Variants in PPARGC1A observed in about 807,000 individuals in gnomAD.
The protein encoded by PPARGC1A is peroxisome proliferator-activated receptor gamma coactivator 1-alpha.
Under a neutral mutation model 88.7 loss-of-function variants are expected in PPARGC1A, and 25 were observed. That is an observed-to-expected ratio of 0.28 (90% CI 0.21 to 0.39). The LOEUF is 0.39. Ranked by LOEUF, PPARGC1A falls within the 10% of genes least tolerant of loss-of-function variation. PPARGC1A has a pLI of 1.00. For synonymous variants in PPARGC1A, 363 were observed against 355.6 expected, an observed-to-expected ratio of 1.02 and a Z score of -0.24; for missense variants, 880 against 968.7, an observed-to-expected ratio of 0.91 and a Z score of 1.22.
At chr4:24,256,978 A>C in the PPARGC1A span, among the ~76,000 whole-genome samples, 1 of 152,306 alleles carries the variant, frequency 6.6e-6, no homozygotes, top group Non-Finnish European at 1.5e-5. Context: ...AAAGAACTGA[A>C]GGTGACAAAA....
the PPARGC1A span, among the ~76,000 whole-genome samples, chr4:24,266,990 C>T: frequency 2.0e-5 from 3 of 152,174 alleles, no homozygotes; most frequent in African/African-American, 7.2e-5. Flanking sequence ...AGAAGACCCA[C>T]ATACTTTAGG....
the PPARGC1A span, among the ~76,000 whole-genome samples, chr4:23,963,303 C>A: frequency 1.3e-5 from 2 of 152,196 alleles, no homozygotes; most frequent in African/African-American, 4.8e-5. Context: ...CAATATCATT[C>A]TTTACCCACT....
the PPARGC1A span, among the ~76,000 whole-genome samples, chr4:24,238,852 T>C: frequency 6.6e-6 from 1 of 151,786 alleles, no homozygotes; most frequent in African/African-American, 2.4e-5. Context: ...TACATGTAGG[T>C]GTGTACCCAC....
chr4:24,365,522 A>T, the PPARGC1A span, among the ~76,000 whole-genome samples: 2 of 152,074 alleles, frequency 1.3e-5, no homozygotes, highest in African/African-American at 2.4e-5. Flanking sequence ...ATTTCACTTC[A>T]TTTCCTGTAT....
rs114951445 is a variant in PPARGC1A, at chr4:23,833,993, C to T, written c.235-2242G>A. Among the ~76,000 whole-genome samples the T allele has an allele frequency of 4.4e-3, 676 of 152,060 alleles. 7 individuals carry two copies. The highest frequency in any genetic ancestry group is 0.015 in the African/African-American group (638 of 41,492). ...CAGCCTGGCCAATGTGGTGAAACCT[C>T]GTCTCTATTAAAAATATAAAAATTG... On this transcript the variant is annotated intron_variant, in intron 2 of 12. Transcript: ENST00000264867.
the PPARGC1A span, among the ~76,000 whole-genome samples, chr4:24,441,215 G>A: frequency 6.6e-6 from 1 of 152,178 alleles, no homozygotes; most frequent in Non-Finnish European, 1.5e-5. Context: ...CATGCTGCCT[G>A]GCTCCTGTAG....
upstream of PPARGC1A, among the ~76,000 whole-genome samples, chr4:23,900,217 T>G (rs80167050): frequency 3.6e-3 from 555 of 152,346 alleles, 1 homozygote; most frequent in Non-Finnish European, 6.5e-3. Flanking sequence ...TGCATTTATT[T>G]CTTGAATAAG....
chr4:24,394,758 C>T, the PPARGC1A span, among the ~76,000 whole-genome samples: 1 of 152,108 alleles, frequency 6.6e-6, no homozygotes, highest in Non-Finnish European at 1.5e-5. Flanking sequence ...ATTTTATATG[C>T]CACTAAGAAA....
the PPARGC1A span, among the ~76,000 whole-genome samples, chr4:24,170,583 A>G: frequency 1.3e-5 from 2 of 152,178 alleles, no homozygotes; most frequent in African/African-American, 4.8e-5. Flanking sequence ...CCCATCACCC[A>G]CCTACAGCAA....
chr4:24,117,602 C>T, the PPARGC1A span, among the ~76,000 whole-genome samples: 1 of 151,242 alleles, frequency 6.6e-6, no homozygotes, highest in African/African-American at 2.4e-5. Flanking sequence ...CTTTCAACAG[C>T]ACCAGGCACA....
At chr4:24,338,437 A>C in the PPARGC1A span, among the ~76,000 whole-genome samples, 1 of 152,188 alleles carries the variant, frequency 6.6e-6, no homozygotes. Flanking sequence ...CAGTGCACAA[A>C]ACTACTCTAA....
the PPARGC1A span, among the ~76,000 whole-genome samples, chr4:24,436,778 CCGGGT>C: frequency 9.0e-4 from 129 of 142,672 alleles, 1 homozygote; most frequent in Middle Eastern, 3.5e-3. Flanking sequence ...ACCCCAGAGC[CCGGGT>C]CACAGAGCTG....
At chr4:24,120,951 C>T in the PPARGC1A span, among the ~76,000 whole-genome samples, 1 of 152,212 alleles carries the variant, frequency 6.6e-6, no homozygotes, top group Admixed American at 6.5e-5. Flanking sequence ...AATGGCAAAG[C>T]AAGGTAATTG....
At chr4:24,155,720 T>C in the PPARGC1A span, among the ~76,000 whole-genome samples, 1 of 151,810 alleles carries the variant, frequency 6.6e-6, no homozygotes, top group South Asian at 2.1e-4. Context: ...TGACCTAAGG[T>C]CCAGTGGAAA....
chr4:24,079,660 A>T, the PPARGC1A span, among the ~76,000 whole-genome samples: 1 of 151,974 alleles, frequency 6.6e-6, no homozygotes, highest in Non-Finnish European at 1.5e-5. Flanking sequence ...AGGCCTTCTC[A>T]TCCCATGATC....
the PPARGC1A span, among the ~76,000 whole-genome samples, chr4:23,943,379 G>A: frequency 3.0e-5 from 2 of 66,246 alleles, no homozygotes. Context: ...TAAATTAAAA[G>A]GTTTTTTTTT....
the PPARGC1A span, among the ~76,000 whole-genome samples, chr4:24,261,817 C>T: frequency 6.6e-6 from 1 of 152,132 alleles, no homozygotes; most frequent in African/African-American, 2.4e-5. Flanking sequence ...CCTCCACCTC[C>T]CCACCTCCAA....
chr4:23,981,769 T>C, the PPARGC1A span, among the ~76,000 whole-genome samples: 1 of 152,220 alleles, frequency 6.6e-6, no homozygotes, highest in Non-Finnish European at 1.5e-5. Context: ...TGCTGTTTTG[T>C]TTTGCTTTGC....
the PPARGC1A span, among the ~76,000 whole-genome samples, chr4:24,234,180 C>A: frequency 6.6e-6 from 1 of 152,170 alleles, no homozygotes; most frequent in Non-Finnish European, 1.5e-5. Context: ...TGCATGGAAC[C>A]AGCATACTTA....
Sources: allele counts gnomAD v4.1 joint callset (sites outside exome capture counted in the v4.1 genomes callset), GRCh38; gene constraint gnomAD v4.1.1; transcripts MANE v1.5; gene names NCBI Gene and HGNC (gene_info 2026-07-23, HGNC 2026-07-21).